The following FST variants were observed in gnomAD, a reference collection of about 807,000 sequenced individuals.
FST encodes the protein activin-binding protein.
Under a neutral mutation model 38.4 loss-of-function variants are expected in FST, and 6 were observed. The observed-to-expected ratio is 0.16, with a 90% CI of 0.09 to 0.31. FST has a LOEUF of 0.31. Among genes scored for constraint, FST ranks in the 10% least tolerant of loss-of-function variants. The pLI is 1.00. For missense variants in FST, 301 were observed against 432.3 expected, an observed-to-expected ratio of 0.70 and a Z score of 2.69; for synonymous variants, 157 against 169.8, an observed-to-expected ratio of 0.92 and a Z score of 0.59.
intron 1 of FST, 160 bp from the exon 2 acceptor site, chr5:53,482,720 T>A (rs1273935262): frequency 5.5e-5 from 30 of 549,914 alleles, no homozygotes; most frequent in African/African-American, 5.4e-4. Context: ...CCCCTTTCGA[T>A]TTATTTCCTA....
intron 1 of FST, among the ~76,000 whole-genome samples, chr5:53,482,246 CCT>C (rs927285097): frequency 2.0e-5 from 3 of 151,162 alleles, no homozygotes; most frequent in South Asian, 2.1e-4. Context: ...TTTCTTTCTT[CCT>C]CTCTCTCTTT....
At chr5:53,482,077 G>A (rs1192737266) in intron 1 of FST, among the ~76,000 whole-genome samples, 1 of 152,248 alleles carries the variant, frequency 6.6e-6, no homozygotes, top group Non-Finnish European at 1.5e-5. Context: ...CGCGGTGGCC[G>A]CGGGCGTGCT....
rs1747582188 is a variant in FST, at chr5:53,487,009, A to G, written c.*976A>G. On this transcript the variant is annotated 3_prime_UTR_variant, in exon 6 of 6. Coordinates refer to ENST00000256759, the MANE Select transcript of FST (RefSeq NM_013409.3). ...ATTTTCAAACATGGCAAGTTAAAAT[A>G]TAAATTCATTTAAATATATAGTTTT... is the stretch of plus-strand genomic sequence containing the variant. 6.6e-6 allele frequency: 1 copy of G among 152,258 alleles called. No homozygotes were observed. The highest frequency in any genetic ancestry group is 1.5e-5 in the Non-Finnish European group (1 of 68,044). 9.4% of individuals were successfully genotyped at this position (152,258 alleles called of 1,614,324 possible).
At position 53,485,128 on chromosome 5, in the gene FST, G is replaced by A; in HGVS notation, c.853G>A (p.Ala285Thr). The change falls in exon 5 of 6, where the codon GCC becomes ACC. Residue 285 changes from alanine (A) to threonine (T), a missense_variant. Ala to Thr is a moderately conservative substitution (Grantham distance 58). Coordinates refer to ENST00000256759, the MANE Select transcript of FST (RefSeq NM_013409.3). The part of the protein sequence containing the change: ...PDSKSDEPVC[A>T]SDNATYASEC... ...CAGTAAGTCGGATGAGCCTGTCTGT[G>A]CCAGTGACAATGCCACTTATGCCAG... The A allele has an allele frequency of 6.2e-7, 1 of 1,613,154 alleles. No individual in the cohort carries two copies. The highest frequency in any genetic ancestry group is 8.5e-7 in the Non-Finnish European group (1 of 1,179,086).
chr5:53,481,316 G>T (rs1384847108), intron 1 of FST, among the ~76,000 whole-genome samples: 5 of 151,426 alleles, frequency 3.3e-5, no homozygotes, highest in Non-Finnish European at 5.9e-5. Flanking sequence ...GGGGGTTTGG[G>T]GGAGAGATAC....
chr5:53,486,071 G>C lies in FST; in HGVS notation c.*38G>C, dbSNP rs1382914418. ...TGTTCAGTGTTGACATAGCCTTTGT[G>C]CAAAAAAAAAAAAAAAAAAAAAGAA... On this transcript the variant is annotated 3_prime_UTR_variant, in exon 6 of 6. Coordinates refer to ENST00000256759, the MANE Select transcript of FST (RefSeq NM_013409.3). 7 of 301,426 alleles carry C rather than the reference G, an allele frequency of 2.3e-5. No individual in the cohort carries two copies. The highest frequency in any genetic ancestry group is 3.3e-5 in the Non-Finnish European group (6 of 183,566). The allele number at this position is 301,426 out of a possible 1,614,324, so 18.7% of individuals were successfully genotyped here.
At position 53,480,744 on chromosome 5, in the gene FST, G is replaced by T. The variant is rs950856670; in HGVS notation, c.-48G>T. 5.1e-6 allele frequency: 4 copies of T among 787,286 alleles called. No individual in the cohort carries two copies. The highest frequency in any genetic ancestry group is 5.0e-6 in the Non-Finnish European group (3 of 602,694). The allele number at this position is 787,286 out of a possible 1,614,324, so 48.8% of individuals were successfully genotyped here. ...GCTCGCCCGAGCCACCCGCCGCCGC[G>T]CCGGCTCCCCGCGCCGCTGCGCTCC... On this transcript the variant is annotated 5_prime_UTR_variant, in exon 1 of 6. Coordinates refer to ENST00000256759, the MANE Select transcript of FST (RefSeq NM_013409.3).
In FST at chr5:53,483,295, C is replaced by T. The variant is rs961081306; in HGVS notation, c.278-209C>T. Among the ~76,000 whole-genome samples, 1 of 152,206 alleles carries T rather than the reference C, an allele frequency of 6.6e-6. No individual in the cohort carries two copies. Among genetic ancestry groups the T allele is most frequent in the Non-Finnish European group, 1.5e-5 (1 of 68,034 alleles). On this transcript the variant is annotated intron_variant, in intron 2 of 5. Coordinates refer to ENST00000256759, the MANE Select transcript of FST (RefSeq NM_013409.3). This position sits in a 1 kb window ranked among gnomAD's most constrained non-coding sequence, Gnocchi z 4.1. ...CAAGTGTGGTGGTGAAACCCACCAA[C>T]CTGTGCTCCTTAATGAGAGAGATCT...
Position 53,485,932 on chromosome 5 carries a change from C to T in FST, c.953-19C>T. ...TTGTCCGTATTTAAACAACAGCTCC[C>T]CTGTATTCCCCCATCTAGCCATTTC... On this transcript the variant is annotated intron_variant, in intron 5 of 5. Coordinates refer to ENST00000256759, the MANE Select transcript of FST (RefSeq NM_013409.3). 1 of 1,605,988 alleles carries T rather than the reference C, an allele frequency of 6.2e-7. No homozygotes were observed. Among genetic ancestry groups the T allele is most frequent in the Non-Finnish European group, 8.5e-7 (1 of 1,177,852 alleles).
chr5:53,484,628 G>A (rs944532311), intron 4 of FST, among the ~76,000 whole-genome samples: 1 of 152,196 alleles, frequency 6.6e-6, no homozygotes, highest in Non-Finnish European at 1.5e-5. Context: ...TCTGTTGTCA[G>A]ATTCTAGTAA....
Position 53,484,196 on chromosome 5 carries a change from G to A in FST, c.624G>A (p.Gly208=). Residue 208 remains glycine, a synonymous_variant, in exon 4 of 6, where the codon GGG becomes GGA. Transcript: ENST00000256759. The stretch of plus-strand genomic sequence containing the variant: ...CTTCCTCTGAGCAATATCTCTGTGG[G>A]AATGATGGAGTCACCTACTCCAGTG... ...EPASSEQYLC[G]NDGVTYSSAC... is the part of the protein sequence containing the mutation. 6.2e-7 allele frequency: 1 copy of A among 1,613,480 alleles called. No homozygotes were observed. The highest frequency in any genetic ancestry group is 8.5e-7 in the Non-Finnish European group (1 of 1,179,360).
At chr5:53,481,462 C>CAAAAAAA (rs70983342) in intron 1 of FST, among the ~76,000 whole-genome samples, 1,422 of 47,966 alleles carry the variant, frequency 0.03, 277 homozygotes, top group African/African-American at 0.073. Context: ...CCCATTCTCG[C>CAAAAAAA]AAAAAAAAAA....
At position 53,486,095 on chromosome 5, in the gene FST, A is replaced by G; in HGVS notation, c.*62A>G. ...TGCAAAAAAAAAAAAAAAAAAAAAG[A>G]AAAAGAAAAAAAGAAAAATATATTG... On this transcript the variant is annotated 3_prime_UTR_variant, in exon 6 of 6. Transcript: ENST00000256759. 2.5e-6 allele frequency: 2 copies of G among 802,488 alleles called. No homozygotes were observed. The highest frequency in any genetic ancestry group is 4.0e-6 in the Non-Finnish European group (2 of 503,778). The allele number at this position is 802,488 out of a possible 1,614,324, so 49.7% of individuals were successfully genotyped here.
chr5:53,485,747 A>C, intron 5 of FST: 1 of 1,602,238 alleles, frequency 6.2e-7, no homozygotes, highest in Non-Finnish European at 8.5e-7. Context: ...TTTTGACTTC[A>C]TAGATTATGC....
chr5:53,485,805 CAAAA>C (rs992163147), intron 5 of FST, 142 bp from the exon 6 acceptor site: 3 of 1,589,470 alleles, frequency 1.9e-6, no homozygotes, highest in African/African-American at 1.4e-5. Flanking sequence ...ATGCCAAAAA[CAAAA>C]AAAGCATCTC....
At position 53,485,783 on chromosome 5, in the gene FST, G is replaced by A. The variant is rs1054553024; in HGVS notation, c.953-168G>A. The stretch of plus-strand genomic sequence containing the variant: ...TTTAAAAAAATTTTTTTAACTTATT[G>A]CATAACAGCAGATGCCAAAAACAAA... On this transcript the variant is annotated intron_variant, in intron 5 of 5. Coordinates refer to ENST00000256759, the MANE Select transcript of FST (RefSeq NM_013409.3). The A allele has an allele frequency of 2.1e-5, 34 of 1,595,932 alleles. No homozygotes were observed. The African/African-American group carries it at 3.4e-4, about 16-fold the overall frequency.
intron 1 of FST, chr5:53,482,643 T>A: frequency 4.5e-5 from 18 of 395,700 alleles, no homozygotes; most frequent in East Asian, 1.3e-4. Flanking sequence ...CCTCCCTCCC[T>A]CTCGCCCACC....
intron 1 of FST, among the ~76,000 whole-genome samples, chr5:53,481,926 A>G (rs1354861627): frequency 6.6e-6 from 1 of 152,200 alleles, no homozygotes; most frequent in Non-Finnish European, 1.5e-5. Context: ...CATTTTAAGT[A>G]TGTTGTAAAC....
chr5:53,483,971 T>C lies in FST; in HGVS notation c.497-98T>C. On this transcript the variant is annotated intron_variant, in intron 3 of 5. Transcript: ENST00000256759. The surrounding 1 kb of genome is among the most constrained non-coding windows in gnomAD (Gnocchi z 4.1). Reference sequence around the variant, plus strand: ...GGCTCCCTAAGTGCCTTTTGAAAGCTGGATGCTTCAGTGTCATGATTTCCT... The same window carrying C: ...GGCTCCCTAAGTGCCTTTTGAAAGCCGGATGCTTCAGTGTCATGATTTCCT... 1 of 1,042,480 alleles carries C rather than the reference T, an allele frequency of 9.6e-7. No individual in the cohort carries two copies. The highest frequency in any genetic ancestry group is 2.4e-5 in the East Asian group (1 of 42,080). The allele number at this position is 1,042,480 out of a possible 1,614,324, so 64.6% of individuals were successfully genotyped here. A position where few individuals can be genotyped will look rare whatever the true frequency, so the allele number is the denominator to read the frequency against.
Sources: allele counts gnomAD v4.1 joint callset (sites outside exome capture counted in the v4.1 genomes callset), GRCh38; gene constraint gnomAD v4.1.1; non-coding constraint Gnocchi (gnomAD v3.1); transcripts MANE v1.5; gene names NCBI Gene and HGNC (gene_info 2026-07-23, HGNC 2026-07-21).